Variants in PDE1A observed in about 807,000 individuals in gnomAD.
PDE1A encodes the protein phosphodiesterase 1A.
PDE1A carries 35 observed loss-of-function variants against 61.7 expected under a neutral mutation model. The ratio of observed to expected loss-of-function variants is 0.57; its 90% CI spans 0.43 to 0.75. The LOEUF is 0.75. Ranked by LOEUF, PDE1A falls within the 30% of genes least tolerant of loss-of-function variation. The probability of loss-of-function intolerance (pLI) is 0.00; values close to 1 mark genes in which losing one functional copy is unlikely to be tolerated. For missense variants in PDE1A, 597 were observed against 630.6 expected, an observed-to-expected ratio of 0.95 and a Z score of 0.57; for synonymous variants, 232 against 213.2, an observed-to-expected ratio of 1.09 and a Z score of -0.77.
the PDE1A span, among the ~76,000 whole-genome samples, chr2:182,681,561 G>C: frequency 7.5e-6 from 1 of 132,602 alleles, no homozygotes; most frequent in South Asian, 2.7e-4. Context: ...ATTGCCAAAC[G>C]AGCACCTCTA....
At chr2:182,242,156 T>C in intron 2 of PDE1A, 5 of 948,840 alleles carry the variant, frequency 5.3e-6, no homozygotes, top group Non-Finnish European at 6.8e-6. Context: ...ACCTGGCTGA[T>C]GGTGCCAATT....
At chr2:182,583,110 T>A in the PDE1A span, among the ~76,000 whole-genome samples, 1 of 152,138 alleles carries the variant, frequency 6.6e-6, no homozygotes, top group South Asian at 2.1e-4. Context: ...GTTCACCTGC[T>A]CTCCTCTTCA....
At chr2:182,482,510 C>CAA (rs1051104684) in intron 2 of PDE1A, among the ~76,000 whole-genome samples, 1 of 145,202 alleles carries the variant, frequency 6.9e-6, no homozygotes, top group Non-Finnish European at 1.5e-5. Context: ...ACAGTCTCCA[C>CAA]AAAAAAAAAA....
the PDE1A span, among the ~76,000 whole-genome samples, chr2:182,645,892 G>A: frequency 6.6e-6 from 1 of 152,060 alleles, no homozygotes; most frequent in Non-Finnish European, 1.5e-5. Flanking sequence ...CATGTTAAAT[G>A]TCATCCAAAG....
the PDE1A span, among the ~76,000 whole-genome samples, chr2:182,598,475 G>T: frequency 6.6e-6 from 1 of 151,968 alleles, no homozygotes; most frequent in Non-Finnish European, 1.5e-5. Context: ...GGGAGGCTGA[G>T]GCATGAGAAT....
intron 2 of PDE1A, among the ~76,000 whole-genome samples, chr2:182,257,939 G>A (rs374619146): frequency 1.3e-4 from 20 of 152,184 alleles, no homozygotes; most frequent in South Asian, 1.2e-3. Flanking sequence ...GGGCCGAGGC[G>A]GGCAGATCAC....
chr2:182,222,052 A>ATTTGG (rs1688774053), intron 7 of PDE1A, among the ~76,000 whole-genome samples: 1 of 151,998 alleles, frequency 6.6e-6, no homozygotes, highest in South Asian at 2.1e-4. Flanking sequence ...ATATATATAT[A>ATTTGG]TTAAAAAACC....
chr2:182,432,491 C>A (rs1412744379), intron 2 of PDE1A, among the ~76,000 whole-genome samples: 1 of 151,762 alleles, frequency 6.6e-6, no homozygotes, highest in Non-Finnish European at 1.5e-5. Context: ...CAGGAACTAC[C>A]CTCACTAAGC....
chr2:182,187,426 G>T (rs1017079968), intron 11 of PDE1A, among the ~76,000 whole-genome samples: 4 of 152,098 alleles, frequency 2.6e-5, no homozygotes, highest in African/African-American at 9.7e-5. Flanking sequence ...GACTGCTGTG[G>T]GTGCCTCAAG....
intron 1 of PDE1A, among the ~76,000 whole-genome samples, chr2:182,295,481 G>T (rs924578411): frequency 2.6e-5 from 4 of 152,196 alleles, no homozygotes; most frequent in African/African-American, 9.7e-5. Context: ...CATCAATGGT[G>T]TGTTCACAGA....
At chr2:182,317,297 T>C (rs1253673435) in intron 1 of PDE1A, among the ~76,000 whole-genome samples, 1 of 151,966 alleles carries the variant, frequency 6.6e-6, no homozygotes, top group Non-Finnish European at 1.5e-5. Flanking sequence ...GATAAAACTA[T>C]GATTCATTGA....
chr2:182,402,778 T>C (rs1005349177), intron 1 of PDE1A, among the ~76,000 whole-genome samples: 5 of 152,188 alleles, frequency 3.3e-5, no homozygotes, highest in African/African-American at 1.2e-4. Context: ...AATCTATCCA[T>C]CTGACAAAGG....
At chr2:182,663,181 A>G in the PDE1A span, among the ~76,000 whole-genome samples, 2 of 152,194 alleles carry the variant, frequency 1.3e-5, no homozygotes, top group Non-Finnish European at 2.9e-5. Flanking sequence ...CCAAAAAATA[A>G]TAGACACTGG....
intron 1 of PDE1A, among the ~76,000 whole-genome samples, chr2:182,325,805 G>A (rs1276436913): frequency 6.6e-6 from 1 of 152,106 alleles, no homozygotes; most frequent in Admixed American, 6.6e-5. Flanking sequence ...TGTATTCTCA[G>A]CTACTCAGGA....
intron 1 of PDE1A, among the ~76,000 whole-genome samples, chr2:182,408,035 T>A (rs1430380975): frequency 1.3e-5 from 2 of 152,056 alleles, no homozygotes; most frequent in African/African-American, 2.4e-5. Flanking sequence ...ATTGCTGATG[T>A]TGTTTAGAAT....
intron 13 of PDE1A, among the ~76,000 whole-genome samples, chr2:182,155,291 G>T (rs1045416620): frequency 2.6e-5 from 4 of 151,798 alleles, no homozygotes; most frequent in Non-Finnish European, 4.4e-5. Context: ...GTTTCGTCAT[G>T]TTGCCCAGGC....
the PDE1A span, among the ~76,000 whole-genome samples, chr2:182,569,892 A>C: frequency 6.6e-6 from 1 of 152,256 alleles, no homozygotes; most frequent in Admixed American, 6.5e-5. Flanking sequence ...TGGCCAGTGT[A>C]GTTTCTAGTT....
At chr2:182,232,847 T>A (rs954938518) in intron 4 of PDE1A, among the ~76,000 whole-genome samples, 1 of 152,186 alleles carries the variant, frequency 6.6e-6, no homozygotes, top group Non-Finnish European at 1.5e-5. Context: ...GAGTAAAAGG[T>A]TAATTCTTTA....
the PDE1A span, among the ~76,000 whole-genome samples, chr2:182,693,230 C>G: frequency 6.6e-6 from 1 of 152,048 alleles, no homozygotes; most frequent in African/African-American, 2.4e-5. Context: ...CTATATTACC[C>G]AACTTCAACA....
Sources: gnomAD v4.1 joint callset for allele counts (sites outside exome capture counted in the v4.1 genomes callset) on GRCh38, gnomAD v4.1.1 for gene constraint, MANE v1.5 for transcripts, NCBI Gene and HGNC (gene_info 2026-07-23, HGNC 2026-07-21) for gene names.